The following CLEC19A variants were observed in gnomAD, a reference collection of about 807,000 sequenced individuals.
CLEC19A encodes the protein C-type lectin domain containing 19A, also known as C-type lectin domain family 19 member A.
Under a neutral mutation model 26.1 loss-of-function variants are expected in CLEC19A, and 21 were observed. The observed-to-expected ratio is 0.80, with a 90% CI of 0.57 to 1.16. CLEC19A has a LOEUF of 1.16. Ranked by LOEUF, CLEC19A falls within the 50% of genes most tolerant of loss-of-function variation. CLEC19A has a pLI of 0.00. For missense variants in CLEC19A, 224 were observed against 227.6 expected (o/e 0.98, Z 0.10); for synonymous variants, 89 against 88.6 (o/e 1.00, Z -0.03).
intron 1 of CLEC19A, among the ~76,000 whole-genome samples, chr16:19,286,487 G>A (rs1312161995): frequency 6.6e-6 from 1 of 152,182 alleles, no homozygotes; most frequent in Non-Finnish European, 1.5e-5. Context: ...CCCCAGCCTT[G>A]TGGGGCATCC....
chr16:19,298,488 G>C (rs1897750952), intron 1 of CLEC19A, among the ~76,000 whole-genome samples, 185 bp from the exon 2 acceptor site: 1 of 152,060 alleles, frequency 6.6e-6, no homozygotes, highest in Non-Finnish European at 1.5e-5. Flanking sequence ...TATCACTTGA[G>C]CTGAGAGTTG....
In CLEC19A at chr16:19,310,646, C is replaced by T. The variant is rs1898051010; in HGVS notation, c.*1563C>T. 6.6e-6 allele frequency: 1 copy of T among 152,118 alleles called. No individual in the cohort carries two copies. Among genetic ancestry groups the T allele is most frequent in the Non-Finnish European group, 1.5e-5 (1 of 68,034 alleles). 9.4% of individuals were successfully genotyped at this position (152,118 alleles called of 1,614,324 possible). ...AATGAAGTAACGATAGATACTACAA[C>T]CTGAATGAACCTGAAAAACATTATG... On this transcript the variant is annotated 3_prime_UTR_variant, in exon 5 of 5. Coordinates refer to ENST00000636231, the MANE Select transcript of CLEC19A (RefSeq NM_001256720.2).
In CLEC19A at chr16:19,301,736, G is replaced by GTTTTTTTTTTTTTTTTTTTTTTTTTTT. The variant is rs1171248968; in HGVS notation, c.255-2324_255-2298dup. On this transcript the variant is annotated intron_variant, in intron 2 of 4. Coordinates refer to ENST00000636231, the MANE Select transcript of CLEC19A (RefSeq NM_001256720.2). ...ATGACACCATGCCCAGGTTTTTTTG[G>GTTTTTTTTTTTTTTTTTTTTTTTTTTT]TTTTTTTTTTTTTTTTTTTTTTTTT... 1.2e-4 allele frequency among the ~76,000 whole-genome samples: 10 copies of GTTTTTTTTTTTTTTTTTTTTTTTTTTT among 81,496 alleles called. 1 individual carries two copies. Among genetic ancestry groups the GTTTTTTTTTTTTTTTTTTTTTTTTTTT allele is most frequent in the African/African-American group, 3.3e-4 (7 of 20,914 alleles). 53.5% of individuals were successfully genotyped at this position (81,496 alleles called of 152,430 possible).
chr16:19,306,243 T>A (rs1747209952), intron 3 of CLEC19A, among the ~76,000 whole-genome samples: 1 of 151,786 alleles, frequency 6.6e-6, no homozygotes, highest in Admixed American at 6.6e-5. Context: ...ACTCCTGGGT[T>A]CAAGCAATCC....
intron 2 of CLEC19A, among the ~76,000 whole-genome samples, chr16:19,300,543 A>G (rs1310550267): frequency 9.3e-5 from 10 of 107,496 alleles, no homozygotes; most frequent in Admixed American, 1.8e-4. Context: ...GCGAGATCCT[A>G]TCTCAAAAAA....
At chr16:19,302,925 A>G (rs1485816492) in intron 2 of CLEC19A, among the ~76,000 whole-genome samples, 2 of 152,194 alleles carry the variant, frequency 1.3e-5, no homozygotes, top group African/African-American at 4.8e-5. Flanking sequence ...CATCATGGAG[A>G]AAAATATTTC....
intron 3 of CLEC19A, 24 bp downstream of exon 3, chr16:19,304,179 C>G (rs149667222): frequency 5.9e-6 from 9 of 1,537,584 alleles, no homozygotes; most frequent in Middle Eastern, 1.7e-4. Flanking sequence ...GGCCATTGGG[C>G]CCCCTTGGAA....
chr16:19,288,579 T>G (rs76598793), intron 1 of CLEC19A, among the ~76,000 whole-genome samples: 1 of 152,182 alleles, frequency 6.6e-6, no homozygotes, highest in Non-Finnish European at 1.5e-5. Context: ...AAAAACTTTT[T>G]AGACATCTCT....
chr16:19,307,565 T>G lies in CLEC19A; in HGVS notation c.369T>G (p.Thr123=). The change falls in exon 4 of 5, where the codon ACT becomes ACG. Residue 123 remains threonine, a synonymous_variant. Transcript: ENST00000636231. ...DHRQEGQFEW[T]DGSSYDYSYW... ...CCCAGGAAGGGCAGTTTGAATGGAC[T>G]GATGGCTCATCCTATGACTACAGCT... The G allele has an allele frequency of 1.3e-6, 2 of 1,548,242 alleles. No homozygotes were observed. The highest frequency in any genetic ancestry group is 1.7e-6 in the Non-Finnish European group (2 of 1,146,782).
At chr16:19,294,800 T>C (rs958536554) in intron 1 of CLEC19A, among the ~76,000 whole-genome samples, 1 of 152,198 alleles carries the variant, frequency 6.6e-6, no homozygotes, top group East Asian at 1.9e-4. Context: ...GGCTGTGTCT[T>C]AATTTTTGTT....
chr16:19,309,117 T>C lies in CLEC19A; in HGVS notation c.*34T>C, dbSNP rs563881326. ...TGTCCTACTGGTGTGAGCTCAACTC[T>C]AGTATCATCTTGTAGCTGTAACCAG... On this transcript the variant is annotated 3_prime_UTR_variant, in exon 5 of 5. Transcript: ENST00000636231. The C allele has an allele frequency of 6.9e-7, 1 of 1,443,606 alleles. No individual in the cohort carries two copies. The highest frequency in any genetic ancestry group is 2.5e-5 in the East Asian group (1 of 40,452). 89.4% of individuals were successfully genotyped at this position (1,443,606 alleles called of 1,614,324 possible).
chr16:19,300,687 AG>A (rs1195656798), intron 2 of CLEC19A, among the ~76,000 whole-genome samples: 2 of 152,254 alleles, frequency 1.3e-5, no homozygotes, highest in African/African-American at 2.4e-5. Flanking sequence ...TGAGACAGTC[AG>A]GGTCCAACCA....
intron 1 of CLEC19A, among the ~76,000 whole-genome samples, chr16:19,290,088 G>A (rs1437556262): frequency 1.3e-5 from 2 of 152,106 alleles, no homozygotes; most frequent in Non-Finnish European, 2.9e-5. Context: ...GGAGCCAGCA[G>A]CCAGATTCAG....
chr16:19,296,116 C>A (rs1424522332), intron 1 of CLEC19A, among the ~76,000 whole-genome samples: 1 of 152,204 alleles, frequency 6.6e-6, no homozygotes, highest in Non-Finnish European at 1.5e-5. Flanking sequence ...AGTTTGGATA[C>A]TGGCATGCAT....
chr16:19,306,732 A>G (rs549272259), intron 3 of CLEC19A, among the ~76,000 whole-genome samples: 19 of 150,972 alleles, frequency 1.3e-4, no homozygotes, highest in Middle Eastern at 3.4e-3. Flanking sequence ...TAAAGGACAC[A>G]TTAACTCCAC....
rs1405811693 is a variant in CLEC19A at position 19,298,851 on chromosome 16, C to A, written c.254+13C>A. ...CCTCCATCCACAGGTAAGTGGGATC[C>A]CCAGTGCCCCATAGTTCAACTAAGC... On this transcript the variant is annotated intron_variant, in intron 2 of 4. Coordinates refer to ENST00000636231, the MANE Select transcript of CLEC19A (RefSeq NM_001256720.2). The A allele has an allele frequency of 6.5e-7, 1 of 1,547,360 alleles. No homozygotes were observed. Among genetic ancestry groups the A allele is most frequent in the South Asian group, 1.2e-5 (1 of 83,674 alleles).
At chr16:19,303,886 T>C (rs994309032) in intron 2 of CLEC19A, 176 bp from the exon 3 acceptor site, 4 of 558,204 alleles carry the variant, frequency 7.2e-6, no homozygotes, top group Non-Finnish European at 1.3e-5. Context: ...AATCCAGAGA[T>C]GCCCATGTAG....
At chr16:19,304,283 C>A in intron 3 of CLEC19A, 128 bp downstream of exon 3, 2 of 731,666 alleles carry the variant, frequency 2.7e-6, no homozygotes, top group Non-Finnish European at 4.7e-6. Context: ...AATCAGACAC[C>A]AAGATGTCAC....
At chr16:19,304,252 T>G (rs1161687324) in intron 3 of CLEC19A, 97 bp downstream of exon 3, 1 of 959,820 alleles carries the variant, frequency 1.0e-6, no homozygotes, top group East Asian at 2.6e-5. Context: ...GTCACGGCTA[T>G]GCACACAGCA....
Sources: allele counts gnomAD v4.1 joint callset (sites outside exome capture counted in the v4.1 genomes callset), GRCh38; gene constraint gnomAD v4.1.1; transcripts MANE v1.5; gene names NCBI Gene and HGNC (gene_info 2026-07-23, HGNC 2026-07-21).